SCFD2: variants seen among roughly 807,000 people sequenced by gnomAD.
The protein encoded by SCFD2 is sec1 family domain-containing protein 2.
SCFD2 carries 54 observed loss-of-function variants against 58.9 expected under a neutral mutation model. The ratio of observed to expected loss-of-function variants is 0.92; its 90% CI spans 0.74 to 1.15. The LOEUF is 1.15. SCFD2 is among the 50% of genes most tolerant of loss of function. The probability of loss-of-function intolerance (pLI) is 0.00; values close to 1 mark genes in which losing one functional copy is unlikely to be tolerated. For synonymous variants in SCFD2, 321 were observed against 335.9 expected (o/e 0.96, Z 0.49); for missense variants, 805 against 836.6 (o/e 0.96, Z 0.47).
intron 5 of SCFD2, among the ~76,000 whole-genome samples, chr4:53,058,199 T>A (rs1577693324): frequency 6.6e-6 from 1 of 152,174 alleles, no homozygotes; most frequent in South Asian, 2.1e-4. Flanking sequence ...TGTGCTACTA[T>A]TATAGAGATT....
intron 4 of SCFD2, among the ~76,000 whole-genome samples, chr4:53,219,168 C>G (rs1728963457): frequency 6.6e-6 from 1 of 152,206 alleles, no homozygotes; most frequent in Admixed American, 6.5e-5. Context: ...TCAAAGCTGT[C>G]AAACAGGGAC....
At chr4:52,892,422 T>C (rs1213217223) in intron 7 of SCFD2, among the ~76,000 whole-genome samples, 1 of 152,148 alleles carries the variant, frequency 6.6e-6, no homozygotes, top group Non-Finnish European at 1.5e-5. Context: ...CTAGCAAACA[T>C]CCAATGGCAC....
chr4:53,092,559 T>C (rs1229277855), intron 5 of SCFD2, among the ~76,000 whole-genome samples: 1 of 152,094 alleles, frequency 6.6e-6, no homozygotes, highest in Non-Finnish European at 1.5e-5. Flanking sequence ...CAATAAGAGA[T>C]AAATGGTTAA....
intron 5 of SCFD2, among the ~76,000 whole-genome samples, chr4:53,061,934 G>A (rs1318480192): frequency 6.6e-6 from 1 of 152,136 alleles, no homozygotes; most frequent in Non-Finnish European, 1.5e-5. Context: ...ATTAGACAGA[G>A]GGTGAGAGAG....
At chr4:53,092,334 T>C (rs561433158) in intron 5 of SCFD2, among the ~76,000 whole-genome samples, 9 of 152,260 alleles carry the variant, frequency 5.9e-5, no homozygotes, top group Admixed American at 2.0e-4. Context: ...AACCTCAAAA[T>C]TGTTAGTTGA....
chr4:52,958,121 C>A (rs946139149), intron 5 of SCFD2: 2 of 152,204 alleles, frequency 1.3e-5, no homozygotes, highest in African/African-American at 4.8e-5. Flanking sequence ...CTTATTGTAT[C>A]AAAATTGTTC....
chr4:52,935,458 G>A (rs1374250920), intron 5 of SCFD2, among the ~76,000 whole-genome samples: 2 of 152,226 alleles, frequency 1.3e-5, no homozygotes, highest in East Asian at 1.9e-4. Context: ...CCAGTTTATC[G>A]ATTGTTGCTT....
chr4:52,875,946 T>C (rs1718463708), intron 8 of SCFD2, among the ~76,000 whole-genome samples: 1 of 150,274 alleles, frequency 6.7e-6, no homozygotes, highest in South Asian at 2.1e-4. Context: ...GCAAGGAGCC[T>C]TTGAGGACAG....
At chr4:52,900,574 G>A (rs574600702) in intron 7 of SCFD2, among the ~76,000 whole-genome samples, 63 of 152,332 alleles carry the variant, frequency 4.1e-4, no homozygotes, top group African/African-American at 1.5e-3. Context: ...TCCCAGTTAG[G>A]CTACTCGGGG....
At chr4:53,273,774 G>T (rs778759982) in intron 4 of SCFD2, 52 bp downstream of exon 4, 8 of 1,463,986 alleles carry the variant, frequency 5.5e-6, no homozygotes, top group Non-Finnish European at 7.4e-6. Context: ...TTTTTCTCTG[G>T]AAGTCAAAAC....
Position 53,355,072 on chromosome 4 carries a change from C to CA in SCFD2, c.839-2307dup, listed in dbSNP as rs61668376. On this transcript the variant is annotated intron_variant, in intron 1 of 8. Transcript: ENST00000401642. ...ATGATCCTGTGGATTTTATGTGTGTCAGTGTCATTATCATAAGGCATGTAA... is the reference window on the plus strand; with the variant it reads ...ATGATCCTGTGGATTTTATGTGTGTCAAGTGTCATTATCATAAGGCATGTAA... 1.7e-4 allele frequency among the ~76,000 whole-genome samples: 26 copies of CA among 152,274 alleles called. No individual in the cohort carries two copies. In the East Asian group the frequency reaches 4.8e-3, roughly 28 times the overall value.
chr4:53,035,201 C>G (rs1722724362), intron 5 of SCFD2, among the ~76,000 whole-genome samples: 1 of 152,126 alleles, frequency 6.6e-6, no homozygotes, highest in South Asian at 2.1e-4. Context: ...TTTGACAAAC[C>G]TGACACAAAA....
intron 2 of SCFD2, among the ~76,000 whole-genome samples, chr4:53,319,861 T>C (rs1732975792): frequency 6.6e-6 from 1 of 152,138 alleles, no homozygotes; most frequent in East Asian, 1.9e-4. Flanking sequence ...ACTGATAAAA[T>C]TGAGACAAAA....
At chr4:53,020,170 T>C (rs1045262888) in intron 5 of SCFD2, among the ~76,000 whole-genome samples, 1 of 152,210 alleles carries the variant, frequency 6.6e-6, no homozygotes, top group African/African-American at 2.4e-5. Flanking sequence ...AGCATGTCAT[T>C]TCATGACTTT....
intron 5 of SCFD2, 89 bp from the exon 6 acceptor site, chr4:52,920,959 G>GTTT: frequency 1.5e-5 from 8 of 520,082 alleles, no homozygotes; most frequent in Middle Eastern, 4.2e-4. Flanking sequence ...TAGTTGGGAG[G>GTTT]TTTTTTTTTT....
At chr4:53,174,719 G>T (rs1727277166) in intron 4 of SCFD2, among the ~76,000 whole-genome samples, 1 of 152,096 alleles carries the variant, frequency 6.6e-6, no homozygotes, top group Non-Finnish European at 1.5e-5. Context: ...TTCCTCATTT[G>T]TTAGAGTCCT....
rs1197093140 is a variant in SCFD2 at position 52,885,883 on chromosome 4, C to T, written c.1843-17G>A. The stretch of plus-strand genomic sequence containing the variant: ...CCGGCTCACCTGCAAAACAAAACAC[C>T]AGCAATATCAGATGGATGGCAGTGA... On this transcript the variant is annotated splice_polypyrimidine_tract_variant and intron_variant, in intron 7 of 8. Transcript: ENST00000401642. 4 of 1,613,452 alleles carry T rather than the reference C, an allele frequency of 2.5e-6. No individual in the cohort carries two copies. Among genetic ancestry groups the T allele is most frequent in the Admixed American group, 1.7e-5 (1 of 59,970 alleles).
intron 2 of SCFD2, among the ~76,000 whole-genome samples, chr4:53,320,957 A>C (rs1254137108): frequency 1.3e-5 from 2 of 152,252 alleles, no homozygotes; most frequent in Non-Finnish European, 2.9e-5. Context: ...TCCTTGAAAT[A>C]TACAACATGA....
intron 4 of SCFD2, among the ~76,000 whole-genome samples, chr4:53,232,676 TAAAG>T (rs1359421740): frequency 1.3e-5 from 2 of 152,030 alleles, no homozygotes; most frequent in Non-Finnish European, 2.9e-5. Flanking sequence ...CAGCCTTGAG[TAAAG>T]AAAGAAAGAG....
Sources: allele counts gnomAD v4.1 joint callset (sites outside exome capture counted in the v4.1 genomes callset), GRCh38; gene constraint gnomAD v4.1.1; transcripts MANE v1.5; gene names NCBI Gene and HGNC (gene_info 2026-07-23, HGNC 2026-07-21).